Variants in IPCEF1 observed in about 807,000 individuals in gnomAD.
IPCEF1 encodes the protein interactor protein for cytohesin exchange factors 1.
In IPCEF1, 31 loss-of-function variants were observed where a neutral mutation model predicts 50.9. The observed-to-expected ratio is 0.61, with a 90% CI of 0.46 to 0.82. The LOEUF is 0.82. Among genes scored for constraint, IPCEF1 ranks in the 40% least tolerant of loss-of-function variants. The pLI is 0.00. For missense variants in IPCEF1, 458 were observed against 514.0 expected (o/e 0.89, Z 1.05); for synonymous variants, 181 against 192.0 (o/e 0.94, Z 0.47).
At chr6:154,203,932 A>C (rs546475563) in intron 9 of IPCEF1, among the ~76,000 whole-genome samples, 4 of 152,332 alleles carry the variant, frequency 2.6e-5, no homozygotes, top group African/African-American at 9.6e-5. Flanking sequence ...TCAAGGGGCT[A>C]TCGGTGCCAA....
At chr6:154,193,276 C>A (rs1447490152) in intron 10 of IPCEF1, among the ~76,000 whole-genome samples, 1 of 152,084 alleles carries the variant, frequency 6.6e-6, no homozygotes. Context: ...GAATGGAAAA[C>A]CAAAATTGTA....
chr6:154,246,935 C>CAA (rs10543127), intron 4 of IPCEF1, 175 bp from the exon 5 acceptor site: 23,649 of 250,204 alleles, frequency 0.095, 2,149 homozygotes, highest in East Asian at 0.11. Context: ...AAAACCAATG[C>CAA]AAAAAAAAAA....
At chr6:154,284,985 G>A (rs769134375) in intron 2 of IPCEF1, among the ~76,000 whole-genome samples, 10 of 152,258 alleles carry the variant, frequency 6.6e-5, no homozygotes, top group Non-Finnish European at 1.3e-4. Flanking sequence ...GGGTGATAGA[G>A]TGAGACTCCG....
intron 1 of IPCEF1, 68 bp from the exon 2 acceptor site, chr6:154,289,824 T>C (rs1485871121): frequency 1.3e-5 from 2 of 150,512 alleles, no homozygotes; most frequent in Admixed American, 6.6e-5. Flanking sequence ...GATTTCTGCC[T>C]GGACTCAATC....
At chr6:154,330,166 C>A (rs1783623255) in intron 1 of IPCEF1, 1 of 151,936 alleles carries the variant, frequency 6.6e-6, no homozygotes, top group African/African-American at 2.4e-5. Flanking sequence ...ACAGCAATGA[C>A]CAACAACAAC....
chr6:154,271,166 C>T (rs1781892792), intron 2 of IPCEF1, among the ~76,000 whole-genome samples: 1 of 151,192 alleles, frequency 6.6e-6, no homozygotes, highest in Non-Finnish European at 1.5e-5. Flanking sequence ...CAAGAGCAGT[C>T]TGGGCAACAT....
chr6:154,329,047 A>G (rs1480556654), intron 1 of IPCEF1, among the ~76,000 whole-genome samples: 1 of 152,250 alleles, frequency 6.6e-6, no homozygotes, highest in Non-Finnish European at 1.5e-5. Flanking sequence ...GAAAAAAATA[A>G]TCGCAGTCAA....
At chr6:154,303,572 C>A (rs777077597) in intron 1 of IPCEF1, among the ~76,000 whole-genome samples, 18 of 152,086 alleles carry the variant, frequency 1.2e-4, no homozygotes, top group Non-Finnish European at 1.9e-4. Flanking sequence ...AGAGAACTAA[C>A]ACAAAAAGAG....
At position 154,158,457 on chromosome 6, in the gene IPCEF1, G is replaced by T. The variant is rs1232963718; in HGVS notation, c.*1371C>A. On this transcript the variant is annotated 3_prime_UTR_variant, in exon 12 of 12. Coordinates refer to ENST00000367220, the MANE Select transcript of IPCEF1 (RefSeq NM_001130700.2). ...GTTGCCTTTGGTCTAAGGTTTGCAG[G>T]CATAAATGGCACAAAGCTTAAAGTT... is the stretch of plus-strand genomic sequence containing the variant. 6.6e-6 allele frequency: 1 copy of T among 152,154 alleles called. No homozygotes were observed. The highest frequency in any genetic ancestry group is 2.4e-5 in the African/African-American group (1 of 41,408). The allele number at this position is 152,154 out of a possible 1,614,324, so 9.4% of individuals were successfully genotyped here. A position where few individuals can be genotyped will look rare whatever the true frequency, so the allele number is the denominator to read the frequency against.
intron 1 of IPCEF1, among the ~76,000 whole-genome samples, chr6:154,299,058 A>G (rs2128673709): frequency 7.1e-6 from 1 of 141,708 alleles, no homozygotes; most frequent in South Asian, 2.2e-4. Context: ...TTATCCCAGG[A>G]TGTTAACCCA....
intron 2 of IPCEF1, among the ~76,000 whole-genome samples, chr6:154,278,391 A>G (rs1166435442): frequency 6.6e-6 from 1 of 152,148 alleles, no homozygotes; most frequent in Non-Finnish European, 1.5e-5. Context: ...CAAGTAGAGA[A>G]TGGGAATCCA....
chr6:154,246,869 C>T (rs1781083443), intron 4 of IPCEF1, 109 bp from the exon 5 acceptor site: 6 of 1,298,146 alleles, frequency 4.6e-6, no homozygotes, highest in Non-Finnish European at 6.1e-6. Context: ...TTGTTAACCC[C>T]CCGGGGAGCT....
intron 2 of IPCEF1, among the ~76,000 whole-genome samples, chr6:154,278,132 G>A (rs1256047052): frequency 2.0e-5 from 3 of 152,024 alleles, no homozygotes; most frequent in African/African-American, 2.4e-5. Flanking sequence ...TATGACAAAC[G>A]TTGAAATTAT....
intron 1 of IPCEF1, among the ~76,000 whole-genome samples, chr6:154,340,162 C>T (rs563286340): frequency 1.2e-4 from 19 of 152,232 alleles, no homozygotes; most frequent in Admixed American, 2.6e-4. Flanking sequence ...GATGCGCGCC[C>T]GTGACACAGC....
intron 10 of IPCEF1, among the ~76,000 whole-genome samples, chr6:154,177,993 CAT>C (rs1455916133): frequency 6.6e-6 from 1 of 152,088 alleles, no homozygotes; most frequent in Non-Finnish European, 1.5e-5. Flanking sequence ...TTTATAGGGA[CAT>C]GGATGAAGCT....
At chr6:154,249,697 C>T (rs979210795) in intron 3 of IPCEF1, among the ~76,000 whole-genome samples, 1 of 152,006 alleles carries the variant, frequency 6.6e-6, no homozygotes. Context: ...CAGCTGGGTA[C>T]CAGTGAGTAT....
intron 7 of IPCEF1, among the ~76,000 whole-genome samples, chr6:154,215,488 C>T (rs1778321787): frequency 1.3e-5 from 2 of 152,032 alleles, no homozygotes; most frequent in Admixed American, 1.3e-4. Flanking sequence ...AGCCTGTAAT[C>T]CCAGCTACTC....
At chr6:154,182,916 A>C (rs4318891) in intron 10 of IPCEF1, among the ~76,000 whole-genome samples, 94,993 of 152,148 alleles carry the variant, frequency 0.62, 30,415 homozygotes, top group African/African-American at 0.75. Context: ...GAAAGGAAGA[A>C]GTTAGCTTAT....
At chr6:154,286,921 T>G (rs984654275) in intron 2 of IPCEF1, among the ~76,000 whole-genome samples, 3 of 152,128 alleles carry the variant, frequency 2.0e-5, no homozygotes, top group Non-Finnish European at 4.4e-5. Flanking sequence ...TGATCTTCAG[T>G]GTTGAAGGAG....
Sources: gnomAD v4.1 joint callset for allele counts (sites outside exome capture counted in the v4.1 genomes callset) on GRCh38, gnomAD v4.1.1 for gene constraint, MANE v1.5 for transcripts, NCBI Gene and HGNC (gene_info 2026-07-23, HGNC 2026-07-21) for gene names.